Variants in PCBP3 observed in about 807,000 individuals in gnomAD.
PCBP3 encodes poly(rC) binding protein 3, also known as poly(rC)-binding protein 3.
In PCBP3, 25 loss-of-function variants were observed where a neutral mutation model predicts 52.7. That is an observed-to-expected ratio of 0.47 (90% CI 0.35 to 0.66). The LOEUF (loss-of-function observed/expected upper bound fraction) is 0.66, where lower values mean the gene tolerates loss of function less well. PCBP3 is among the 30% of genes least tolerant of loss of function. The pLI is 0.01. For missense variants in PCBP3, 391 were observed against 490.3 expected, an observed-to-expected ratio of 0.80 and a Z score of 1.91; for synonymous variants, 162 against 183.0, an observed-to-expected ratio of 0.89 and a Z score of 0.93.
intron 2 of PCBP3, among the ~76,000 whole-genome samples, chr21:45,722,649 A>G (rs1195418258): frequency 4.6e-5 from 7 of 152,198 alleles, no homozygotes; most frequent in African/African-American, 1.7e-4. Context: ...TACTACAGAT[A>G]CAGATTTACT....
chr21:45,869,515 G>A (rs1381487072), intron 5 of PCBP3, among the ~76,000 whole-genome samples: 1 of 152,202 alleles, frequency 6.6e-6, no homozygotes, highest in Non-Finnish European at 1.5e-5. Context: ...GGACTCGACT[G>A]TGCAGGTGAG....
At chr21:45,703,781 A>C (rs2083277383) in intron 2 of PCBP3, among the ~76,000 whole-genome samples, 1 of 151,982 alleles carries the variant, frequency 6.6e-6, no homozygotes, top group South Asian at 2.1e-4. Context: ...TTCTGGGTGT[A>C]GTTTGGTGAT....
At chr21:45,929,809 C>G (rs898817578) in intron 13 of PCBP3, 108 bp from the exon 14 acceptor site, 4 of 805,892 alleles carry the variant, frequency 5.0e-6, no homozygotes, top group South Asian at 1.5e-5. Context: ...GTCCGCATGG[C>G]CCTCTTTCTA....
At chr21:45,888,228 T>C (rs2148883583) in intron 5 of PCBP3, among the ~76,000 whole-genome samples, 1 of 152,346 alleles carries the variant, frequency 6.6e-6, no homozygotes, top group Non-Finnish European at 1.5e-5. Flanking sequence ...ACTGTAATAA[T>C]GACATCTCCT....
At chr21:45,686,493 TG>T (rs1232317726) in intron 2 of PCBP3, among the ~76,000 whole-genome samples, 1 of 152,182 alleles carries the variant, frequency 6.6e-6, no homozygotes. Context: ...AGACACTTAA[TG>T]TAATTTTCAC....
intron 4 of PCBP3, among the ~76,000 whole-genome samples, chr21:45,833,642 A>T (rs1279600541): frequency 6.6e-6 from 1 of 152,208 alleles, no homozygotes; most frequent in East Asian, 1.9e-4. Flanking sequence ...CCTGAGCACG[A>T]CTGGATGGTG....
chr21:45,646,044 G>T (rs1398812948), intron 1 of PCBP3, among the ~76,000 whole-genome samples: 1 of 119,496 alleles, frequency 8.4e-6, no homozygotes, highest in Non-Finnish European at 1.8e-5. Flanking sequence ...CTGAATCCGT[G>T]TCACCTGTTT....
At chr21:45,848,585 G>A (rs2093872876) in intron 4 of PCBP3, among the ~76,000 whole-genome samples, 1 of 152,110 alleles carries the variant, frequency 6.6e-6, no homozygotes. Context: ...TTGGTACCTT[G>A]TAACTTAGTC....
chr21:45,700,394 C>T (rs2083044364), intron 2 of PCBP3, among the ~76,000 whole-genome samples: 1 of 152,214 alleles, frequency 6.6e-6, no homozygotes, highest in African/African-American at 2.4e-5. Flanking sequence ...TTCTCTGTTC[C>T]CTGGATTCCC....
chr21:45,894,375 TA>T (rs1313630397), intron 5 of PCBP3, among the ~76,000 whole-genome samples: 1 of 151,700 alleles, frequency 6.6e-6, no homozygotes, highest in East Asian at 1.9e-4. Context: ...AGTTTTTAAT[TA>T]AAAGGGAGGC....
chr21:45,911,176 G>T (rs555981003), intron 11 of PCBP3, 146 bp downstream of exon 11: 1 of 929,410 alleles, frequency 1.1e-6, no homozygotes, highest in Non-Finnish European at 1.7e-6. Context: ...CAGCCTGAGC[G>T]AGAGCGGTGC....
intron 13 of PCBP3, among the ~76,000 whole-genome samples, chr21:45,927,162 G>A (rs964959071): frequency 6.7e-6 from 1 of 150,250 alleles, no homozygotes; most frequent in African/African-American, 2.4e-5. Flanking sequence ...TTAAATGCTT[G>A]TAATTTTAGT....
intron 4 of PCBP3, among the ~76,000 whole-genome samples, chr21:45,796,678 G>A (rs1339545369): frequency 6.6e-6 from 1 of 151,876 alleles, no homozygotes; most frequent in Non-Finnish European, 1.5e-5. Context: ...TTCACCTTTT[G>A]CACCATTAAT....
At chr21:45,899,669 G>T (rs750786569) in intron 7 of PCBP3, 47 bp downstream of exon 7, 43 of 1,442,694 alleles carry the variant, frequency 3.0e-5, no homozygotes, top group South Asian at 5.7e-5. Context: ...TCTGTAAGGG[G>T]ATGGTGAGGA....
At chr21:45,710,385 TA>T (rs1354277588) in intron 2 of PCBP3, among the ~76,000 whole-genome samples, 1 of 152,168 alleles carries the variant, frequency 6.6e-6, no homozygotes, top group Non-Finnish European at 1.5e-5. Flanking sequence ...AATTCCCACC[TA>T]TGAGTGAGAA....
intron 4 of PCBP3, among the ~76,000 whole-genome samples, chr21:45,790,549 C>A (rs943809262): frequency 6.6e-6 from 1 of 152,056 alleles, no homozygotes; most frequent in African/African-American, 2.4e-5. Flanking sequence ...CATCCGGGGG[C>A]GTCTGTGGAG....
chr21:45,901,717 G>C (rs7281549), intron 9 of PCBP3: 49,927 of 127,674 alleles, frequency 0.39, 11,437 homozygotes, highest in East Asian at 0.72. Context: ...AAGACAGAGA[G>C]AGAGAGATGA....
At chr21:45,649,764 G>C (rs577024386) in intron 1 of PCBP3, among the ~76,000 whole-genome samples, 29 of 151,984 alleles carry the variant, frequency 1.9e-4, no homozygotes, top group African/African-American at 6.5e-4. Flanking sequence ...TAAAAGAAAT[G>C]CTGTGAAAGA....
At chr21:45,745,859 A>G (rs1161684336) in intron 3 of PCBP3, among the ~76,000 whole-genome samples, 4 of 152,218 alleles carry the variant, frequency 2.6e-5, no homozygotes, top group Non-Finnish European at 5.9e-5. Flanking sequence ...GCGCACTTGC[A>G]AGAGTGTTGG....
Sources: allele counts gnomAD v4.1 joint callset (sites outside exome capture counted in the v4.1 genomes callset), GRCh38; gene constraint gnomAD v4.1.1; transcripts MANE v1.5; gene names NCBI Gene and HGNC (gene_info 2026-07-23, HGNC 2026-07-21).